Variants in GRM5 observed in about 807,000 individuals in gnomAD.
The protein encoded by GRM5 is glutamate metabotropic receptor 5, also known as metabotropic glutamate receptor 5.
GRM5 carries 19 observed loss-of-function variants against 83.1 expected under a neutral mutation model. The ratio of observed to expected loss-of-function variants is 0.23; its 90% CI spans 0.16 to 0.34. GRM5 has a LOEUF of 0.34. GRM5 is among the 10% of genes least tolerant of loss of function. The pLI is 1.00. For missense variants in GRM5, 1,160 were observed against 1,588.3 expected (o/e 0.73, Z 4.58); for synonymous variants, 675 against 633.6 (o/e 1.07, Z -0.98).
chr11:88,824,667 T>A (rs779990230), intron 3 of GRM5, among the ~76,000 whole-genome samples: 4 of 152,160 alleles, frequency 2.6e-5, no homozygotes, highest in Non-Finnish European at 5.9e-5. Context: ...CTACCACTGA[T>A]CTGACAGGAG....
At position 88,738,213 on chromosome 11, in the gene GRM5, G is replaced by GA. The variant is rs2135413657; in HGVS notation, c.912-84811dup. On this transcript the variant is annotated intron_variant, in intron 3 of 9. Transcript: ENST00000305447. ...ATTATAATATGTGGCAGAATAGAGT[G>GA]AAAAAAGATTATATAAACTGGTAAC... 2.0e-5 allele frequency among the ~76,000 whole-genome samples: 3 copies of GA among 151,896 alleles called. No homozygotes were observed. In the South Asian group the frequency reaches 6.2e-4, roughly 32 times the overall value.
rs201551868 is a variant in GRM5, at chr11:88,508,387, T to G, written c.*205A>C. The G allele has an allele frequency of 8.1e-6, 4 of 492,220 alleles. No individual in the cohort carries two copies. Among genetic ancestry groups the G allele is most frequent in the Non-Finnish European group, 1.4e-5 (4 of 281,376 alleles). 30.5% of individuals were successfully genotyped at this position (492,220 alleles called of 1,614,324 possible). ...AAAAGCCCATGTTTTCTAAGGCCAC[T>G]AGAAGAAAATCTGCCAAAAGATTTG... On this transcript the variant is annotated 3_prime_UTR_variant, in exon 10 of 10. Coordinates refer to ENST00000305447, the MANE Select transcript of GRM5 (RefSeq NM_001143831.3). The surrounding 1 kb of genome is among the most constrained non-coding windows in gnomAD (Gnocchi z 4.2).
intron 2 of GRM5, among the ~76,000 whole-genome samples, chr11:88,971,019 G>C (rs182980704): frequency 5.8e-4 from 88 of 152,228 alleles, no homozygotes; most frequent in African/African-American, 2.1e-3. Flanking sequence ...GCTTTCTGCT[G>C]TCATGGTGAG....
chr11:88,890,443 A>C (rs1230170952), intron 2 of GRM5, among the ~76,000 whole-genome samples: 3 of 152,134 alleles, frequency 2.0e-5, no homozygotes, highest in Non-Finnish European at 4.4e-5. Flanking sequence ...AGTGCTGAAT[A>C]TTCTGTTTGT....
chr11:88,996,004 A>C (rs1481612856), intron 2 of GRM5, among the ~76,000 whole-genome samples: 1 of 151,398 alleles, frequency 6.6e-6, no homozygotes, highest in Non-Finnish European at 1.5e-5. Context: ...AAAGAAAAGA[A>C]AAAAAAAAGA....
At chr11:88,518,343 G>A (rs918000479) in intron 9 of GRM5, among the ~76,000 whole-genome samples, 3 of 151,744 alleles carry the variant, frequency 2.0e-5, no homozygotes, top group Admixed American at 6.6e-5. Flanking sequence ...GTCTTATAAG[G>A]ACTTATCTGG....
intron 3 of GRM5, among the ~76,000 whole-genome samples, chr11:88,708,474 G>A (rs1340594318): frequency 6.6e-6 from 1 of 152,056 alleles, no homozygotes; most frequent in East Asian, 1.9e-4. Context: ...AGACTTTGAG[G>A]TATGAGTATT....
chr11:88,683,353 G>T, intron 3 of GRM5, among the ~76,000 whole-genome samples: 1 of 152,198 alleles, frequency 6.6e-6, no homozygotes, highest in East Asian at 1.9e-4. Flanking sequence ...GCTGTCACCA[G>T]CGAAAACACT....
intron 2 of GRM5, among the ~76,000 whole-genome samples, chr11:88,897,874 C>A (rs942853825): frequency 6.6e-6 from 1 of 151,886 alleles, no homozygotes; most frequent in African/African-American, 2.4e-5. Flanking sequence ...AAGGAGAAAA[C>A]ATGTAAGCTT....
intron 3 of GRM5, among the ~76,000 whole-genome samples, chr11:88,792,332 T>C (rs1943190155): frequency 6.6e-6 from 1 of 152,122 alleles, no homozygotes; most frequent in Non-Finnish European, 1.5e-5. Context: ...ACATTTATTC[T>C]ATTGTTCTAA....
At chr11:89,046,763 G>A (rs1448574136) in intron 2 of GRM5, among the ~76,000 whole-genome samples, 1 of 152,036 alleles carries the variant, frequency 6.6e-6, no homozygotes, top group Non-Finnish European at 1.5e-5. Flanking sequence ...ACACACCTAG[G>A]TTAGAACTGG....
At position 88,861,873 on chromosome 11, in the gene GRM5, C is replaced by T. The variant is rs192309642; in HGVS notation, c.662-11718G>A. Among the ~76,000 whole-genome samples, 547 of 152,250 alleles carry T rather than the reference C, an allele frequency of 3.6e-3. 2 individuals are homozygous for T. The highest frequency in any genetic ancestry group is 0.013 in the African/African-American group (522 of 41,548). ...TATTGTTTATGTTTTATTGTAATTACATATTTGTCTTACTCCATAAAAGAC... is the reference window on the plus strand; with the variant it reads ...TATTGTTTATGTTTTATTGTAATTATATATTTGTCTTACTCCATAAAAGAC... On this transcript the variant is annotated intron_variant, in intron 2 of 9. Coordinates refer to ENST00000305447, the MANE Select transcript of GRM5 (RefSeq NM_001143831.3).
rs1392206086 is a variant in GRM5, at chr11:88,508,499, G to A, written c.*93C>T. Reference sequence around the variant, plus strand: ...GGTGCCCTTGGCATCTTCCCCCTGGGCCGTAACCAGGCGACTATGCTTGCC... The same window carrying A: ...GGTGCCCTTGGCATCTTCCCCCTGGACCGTAACCAGGCGACTATGCTTGCC... On this transcript the variant is annotated 3_prime_UTR_variant, in exon 10 of 10. Transcript: ENST00000305447. This position sits in a 1 kb window ranked among gnomAD's most constrained non-coding sequence, Gnocchi z 4.2. 2.0e-6 allele frequency: 2 copies of A among 1,010,142 alleles called. No individual in the cohort carries two copies. The highest frequency in any genetic ancestry group is 1.7e-5 in the African/African-American group (1 of 59,840). The allele number at this position is 1,010,142 out of a possible 1,614,324, so 62.6% of individuals were successfully genotyped here.
intron 2 of GRM5, among the ~76,000 whole-genome samples, chr11:88,865,375 G>A (rs1002389453): frequency 2.6e-5 from 4 of 152,042 alleles, no homozygotes; most frequent in Admixed American, 2.6e-4. Context: ...AACGAAAACT[G>A]GATCCTTTCC....
At chr11:88,525,939 A>T (rs1941863641) in intron 8 of GRM5, among the ~76,000 whole-genome samples, 1 of 152,228 alleles carries the variant, frequency 6.6e-6, no homozygotes, top group Admixed American at 6.5e-5. Flanking sequence ...GAATACAGGG[A>T]ATCTAAGTTT....
At chr11:88,625,726 T>C (rs1040297433) in intron 4 of GRM5, among the ~76,000 whole-genome samples, 4 of 152,056 alleles carry the variant, frequency 2.6e-5, no homozygotes, top group Non-Finnish European at 5.9e-5. Context: ...CACAACATCA[T>C]GTAATAAACC....
intron 4 of GRM5, among the ~76,000 whole-genome samples, chr11:88,607,875 T>C (rs943782134): frequency 6.6e-6 from 1 of 152,172 alleles, no homozygotes; most frequent in African/African-American, 2.4e-5. Context: ...CTTTCTTGCT[T>C]GTAGTTCTCA....
At position 88,919,238 on chromosome 11, in the gene GRM5, CTA is replaced by C. The variant is rs147135169; in HGVS notation, c.662-69085_662-69084del. ...GGCATTCGAAGAACAGCAGGAGTAGCTATATATATATATATATATCGGATAAA... is the reference window on the plus strand; with the variant it reads ...GGCATTCGAAGAACAGCAGGAGTAGCTATATATATATATATATCGGATAAA... On this transcript the variant is annotated intron_variant, in intron 2 of 9. Transcript: ENST00000305447. 8.0e-4 allele frequency among the ~76,000 whole-genome samples: 26 copies of C among 32,412 alleles called. 7 individuals carry two copies. The highest frequency in any genetic ancestry group is 1.2e-3 in the Admixed American group (4 of 3,408). 21.3% of individuals were successfully genotyped at this position (32,412 alleles called of 152,430 possible).
rs1055797035 is a variant in GRM5 at position 88,509,025 on chromosome 11, G to A, written c.3206C>T (p.Thr1069Met). Reference sequence around the variant, plus strand: ...GGAGTTGAGCTCGCTGATGTTGGCCGTGAAGCGGGTGACCACACTGCTGAT... The same window carrying A: ...GGAGTTGAGCTCGCTGATGTTGGCCATGAAGCGGGTGACCACACTGCTGAT... ...EQISSVVTRF[T>M]ANISELNSMM... The change falls in exon 10 of 10, where the codon ACG becomes ATG. Residue 1069 changes from threonine to methionine, a missense_variant. Around this residue, in one of 9 missense-constraint regions of GRM5, gnomAD observed 562 missense variants for 532.4 expected, o/e 1.06. Coordinates refer to ENST00000305447, the MANE Select transcript of GRM5 (RefSeq NM_001143831.3). 3 of 1,566,320 alleles carry A rather than the reference G, an allele frequency of 1.9e-6. No individual in the cohort carries two copies. Among genetic ancestry groups the A allele is most frequent in the Non-Finnish European group, 1.7e-6 (2 of 1,155,006 alleles).
Sources: allele counts gnomAD v4.1 joint callset (sites outside exome capture counted in the v4.1 genomes callset), GRCh38; gene constraint gnomAD v4.1.1; regional missense constraint gnomAD v4.1.1; non-coding constraint Gnocchi (gnomAD v3.1); transcripts MANE v1.5; gene names NCBI Gene and HGNC (gene_info 2026-07-23, HGNC 2026-07-21).